Variants in CHRNA7 observed in about 807,000 individuals in gnomAD.
CHRNA7 encodes cholinergic receptor nicotinic alpha 7 subunit.
In CHRNA7, 17 loss-of-function variants were observed where a neutral mutation model predicts 48.0. The ratio of observed to expected loss-of-function variants is 0.35; its 90% CI spans 0.24 to 0.53. The LOEUF is 0.53. Ranked by LOEUF, CHRNA7 falls within the 20% of genes least tolerant of loss-of-function variation. The pLI is 0.92. For missense variants in CHRNA7, 155 were observed against 577.7 expected (o/e 0.27, Z 7.50); for synonymous variants, 75 against 242.3 (o/e 0.31, Z 6.41).
chr15:32,114,091 CACACACACATAT>C (rs2050824520), intron 4 of CHRNA7, among the ~76,000 whole-genome samples: 1 of 106,482 alleles, frequency 9.4e-6, no homozygotes, highest in Non-Finnish European at 2.3e-5. Flanking sequence ...TACATACATA[CACACACACATAT>C]ACACACACAC....
At chr15:32,058,196 C>G (rs185834285) in intron 2 of CHRNA7, among the ~76,000 whole-genome samples, 37 of 152,292 alleles carry the variant, frequency 2.4e-4, no homozygotes, top group Non-Finnish European at 5.3e-4. Flanking sequence ...TGCCTCCTTT[C>G]CCTCTGAAAC....
chr15:32,133,760 G>A (rs2051196581), intron 4 of CHRNA7, among the ~76,000 whole-genome samples: 1 of 152,178 alleles, frequency 6.6e-6, no homozygotes, highest in African/African-American at 2.4e-5. Flanking sequence ...GGAAATTCCA[G>A]CACCAATTGT....
chr15:32,084,157 G>A (rs868697028), intron 2 of CHRNA7, among the ~76,000 whole-genome samples: 1 of 152,134 alleles, frequency 6.6e-6, no homozygotes, highest in Non-Finnish European at 1.5e-5. Context: ...TATGGAACTC[G>A]CTATTTATAA....
chr15:32,099,776 G>T (rs550572823), intron 2 of CHRNA7: 1 of 152,218 alleles, frequency 6.6e-6, no homozygotes, highest in Non-Finnish European at 1.5e-5. Context: ...CACTTAAATG[G>T]ATAGCTCTGT....
intron 2 of CHRNA7, among the ~76,000 whole-genome samples, chr15:32,077,644 G>T (rs1021906717): frequency 6.6e-6 from 1 of 152,092 alleles, no homozygotes; most frequent in Non-Finnish European, 1.5e-5. Context: ...TCCTATAAAG[G>T]AATACCTGAG....
At chr15:32,115,105 C>G (rs1050590024) in intron 4 of CHRNA7, among the ~76,000 whole-genome samples, 12 of 152,202 alleles carry the variant, frequency 7.9e-5, no homozygotes, top group African/African-American at 1.7e-4. Flanking sequence ...CGCAACAGCC[C>G]TTCTCCACAT....
At chr15:32,119,912 G>A (rs1252501442) in intron 4 of CHRNA7, among the ~76,000 whole-genome samples, 2 of 152,164 alleles carry the variant, frequency 1.3e-5, no homozygotes, top group Non-Finnish European at 2.9e-5. Flanking sequence ...TGAGTGGACT[G>A]TCGCTGGCTG....
At chr15:32,056,836 G>A (rs2049795777) in intron 2 of CHRNA7, among the ~76,000 whole-genome samples, 2 of 152,128 alleles carry the variant, frequency 1.3e-5, no homozygotes, top group African/African-American at 2.4e-5. Flanking sequence ...CTTCAGTATG[G>A]ATGTTCTTAT....
chr15:32,146,306 G>A (rs568262026), intron 4 of CHRNA7, among the ~76,000 whole-genome samples: 11 of 152,262 alleles, frequency 7.2e-5, no homozygotes, highest in Admixed American at 6.5e-4. Flanking sequence ...CACCTAACCT[G>A]ACATAGGGGT....
At chr15:32,102,862 G>A (rs964373504) in intron 3 of CHRNA7, 1 of 152,212 alleles carries the variant, frequency 6.6e-6, no homozygotes, top group African/African-American at 2.4e-5. Flanking sequence ...CAAAAATAAT[G>A]TAGTTTTTAT....
intron 2 of CHRNA7, among the ~76,000 whole-genome samples, chr15:32,053,942 A>T (rs2049739118): frequency 6.6e-6 from 1 of 152,190 alleles, no homozygotes; most frequent in African/African-American, 2.4e-5. Context: ...TGGTTAATGA[A>T]TGCCACCTGT....
intron 2 of CHRNA7, among the ~76,000 whole-genome samples, chr15:32,046,799 T>A (rs2049556941): frequency 6.6e-6 from 1 of 152,132 alleles, no homozygotes; most frequent in Non-Finnish European, 1.5e-5. Flanking sequence ...TTTTATGGTT[T>A]TAGGTCTAAC....
At chr15:32,081,970 T>G (rs899390902) in intron 2 of CHRNA7, among the ~76,000 whole-genome samples, 14 of 152,174 alleles carry the variant, frequency 9.2e-5, no homozygotes, top group African/African-American at 3.4e-4. Flanking sequence ...GACCAATATA[T>G]TTCACTGTAT....
At chr15:32,101,450 G>GA in intron 3 of CHRNA7, 103 bp downstream of exon 3, 4 of 1,290,114 alleles carry the variant, frequency 3.1e-6, no homozygotes, top group East Asian at 2.4e-5. Context: ...GTCCTGTTTA[G>GA]GAAAAAAAAC....
intron 4 of CHRNA7, among the ~76,000 whole-genome samples, chr15:32,141,235 T>C (rs1337750164): frequency 6.6e-6 from 1 of 152,204 alleles, no homozygotes; most frequent in Non-Finnish European, 1.5e-5. Flanking sequence ...TGGTTGTAGA[T>C]GTGTGGTGTT....
intron 2 of CHRNA7, among the ~76,000 whole-genome samples, chr15:32,065,308 G>C (rs1227432484): frequency 1.3e-5 from 2 of 152,162 alleles, no homozygotes; most frequent in African/African-American, 4.8e-5. Flanking sequence ...CAGAGTTAAA[G>C]CTCCTCAGAG....
intron 2 of CHRNA7, among the ~76,000 whole-genome samples, chr15:32,097,979 A>C (rs1415051811): frequency 6.6e-6 from 1 of 152,152 alleles, no homozygotes; most frequent in East Asian, 1.9e-4. Flanking sequence ...TCCCTAGGTA[A>C]ATTCTGGGCA....
rs147292777 is a variant in CHRNA7 at position 32,121,367 on chromosome 15, G to A, written c.350+9468G>A. Reference sequence around the variant, plus strand: ...TTTACCGTGGGTGGTCTCATCTGACGTATTTTTGTGTCCTTCAGTGAAGTC... The same window carrying A: ...TTTACCGTGGGTGGTCTCATCTGACATATTTTTGTGTCCTTCAGTGAAGTC... On this transcript the variant is annotated intron_variant, in intron 4 of 9. Transcript: ENST00000306901. Among the ~76,000 whole-genome samples the A allele has an allele frequency of 1.9e-4, 29 of 152,310 alleles. No homozygotes were observed. In the East Asian group the frequency reaches 5.6e-3, roughly 29 times the overall value.
intron 4 of CHRNA7, among the ~76,000 whole-genome samples, chr15:32,138,198 A>C (rs1464460890): frequency 6.6e-6 from 1 of 152,196 alleles, no homozygotes; most frequent in Non-Finnish European, 1.5e-5. Flanking sequence ...CCAAGAAAAC[A>C]AAGAAGGCAC....
Sources: allele counts gnomAD v4.1 joint callset (sites outside exome capture counted in the v4.1 genomes callset), GRCh38; gene constraint gnomAD v4.1.1; transcripts MANE v1.5; gene names NCBI Gene and HGNC (gene_info 2026-07-23, HGNC 2026-07-21).